The following OLFM3 variants were observed in gnomAD, a reference collection of about 807,000 sequenced individuals.
The protein encoded by OLFM3 is noelin-3.
In OLFM3, 20 loss-of-function variants were observed where a neutral mutation model predicts 48.6. That is an observed-to-expected ratio of 0.41 (90% CI 0.29 to 0.60). The LOEUF is 0.60. Among genes scored for constraint, OLFM3 ranks in the 20% least tolerant of loss-of-function variants. The pLI is 0.28. For missense variants in OLFM3, 437 were observed against 544.3 expected, an observed-to-expected ratio of 0.80 and a Z score of 1.96; for synonymous variants, 222 against 198.1, an observed-to-expected ratio of 1.12 and a Z score of -1.01.
chr1:101,896,580 C>T (rs1371115920), intron 1 of OLFM3, among the ~76,000 whole-genome samples: 1 of 149,100 alleles, frequency 6.7e-6, no homozygotes, highest in Non-Finnish European at 1.5e-5. Flanking sequence ...CTGCAAACTC[C>T]GCCTCTCCGG....
At position 101,827,723 on chromosome 1, in the gene OLFM3, GC is replaced by G. The variant is rs201990609; in HGVS notation, c.373-2479del. On this transcript the variant is annotated intron_variant, in intron 3 of 5. Transcript: ENST00000370103. Reference sequence around the variant, plus strand: ...AAAGTCTACTTGGAGAAGCAATGCAGCATTAGTATTAGAAGGTACAAGTTTG... The same window carrying G: ...AAAGTCTACTTGGAGAAGCAATGCAGATTAGTATTAGAAGGTACAAGTTTG... Among the ~76,000 whole-genome samples the G allele has an allele frequency of 6.0e-3, 914 of 152,234 alleles. 5 individuals carry two copies. The highest frequency in any genetic ancestry group is 0.017 in the Middle Eastern group (5 of 294).
At chr1:101,903,983 T>G (rs951678276) in intron 1 of OLFM3, among the ~76,000 whole-genome samples, 1 of 152,114 alleles carries the variant, frequency 6.6e-6, no homozygotes, top group African/African-American at 2.4e-5. Context: ...ATTACTTTTT[T>G]ATTCAGAGTG....
At chr1:101,967,881 G>A (rs112115620) in intron 1 of OLFM3, among the ~76,000 whole-genome samples, 2 of 151,864 alleles carry the variant, frequency 1.3e-5, no homozygotes, top group Non-Finnish European at 2.9e-5. Flanking sequence ...GTATTCTTCC[G>A]CCCCCAGCAC....
At chr1:101,867,088 T>A (rs969137745) in intron 1 of OLFM3, among the ~76,000 whole-genome samples, 6 of 152,292 alleles carry the variant, frequency 3.9e-5, no homozygotes, top group Non-Finnish European at 7.3e-5. Flanking sequence ...CAATCAGTTA[T>A]ATTGCCTATA....
chr1:101,865,273 G>T (rs1452709295), intron 1 of OLFM3, among the ~76,000 whole-genome samples: 1 of 151,998 alleles, frequency 6.6e-6, no homozygotes, highest in Non-Finnish European at 1.5e-5. Context: ...TTAAAATGAA[G>T]TTGATTTAGT....
At chr1:101,963,086 C>A (rs1358216027) in intron 1 of OLFM3, among the ~76,000 whole-genome samples, 5 of 152,318 alleles carry the variant, frequency 3.3e-5, no homozygotes, top group South Asian at 2.1e-4. Context: ...GCTCCTTTCT[C>A]GCACTGGACA....
intron 1 of OLFM3, among the ~76,000 whole-genome samples, chr1:101,936,007 GC>G (rs1157956566): frequency 6.6e-6 from 1 of 152,040 alleles, no homozygotes; most frequent in Non-Finnish European, 1.5e-5. Context: ...CAAACCCATA[GC>G]CAATATCATT....
At chr1:101,873,525 T>C (rs1399860872) in intron 1 of OLFM3, among the ~76,000 whole-genome samples, 1 of 151,914 alleles carries the variant, frequency 6.6e-6, no homozygotes, top group Non-Finnish European at 1.5e-5. Flanking sequence ...CCTATAGGAC[T>C]TTAATTTAAG....
intron 1 of OLFM3, among the ~76,000 whole-genome samples, chr1:101,904,334 C>G (rs1557724513): frequency 6.6e-6 from 1 of 152,002 alleles, no homozygotes; most frequent in Non-Finnish European, 1.5e-5. Flanking sequence ...GAAAAAATAT[C>G]TTGACTTTAT....
intron 1 of OLFM3, among the ~76,000 whole-genome samples, chr1:101,903,956 T>A (rs1343023949): frequency 6.6e-6 from 1 of 152,116 alleles, no homozygotes; most frequent in Non-Finnish European, 1.5e-5. Flanking sequence ...TCTAAATTTA[T>A]TAACAAAGTA....
intron 1 of OLFM3, among the ~76,000 whole-genome samples, chr1:101,931,377 T>A (rs1557735269): frequency 6.6e-6 from 1 of 152,180 alleles, no homozygotes; most frequent in Non-Finnish European, 1.5e-5. Context: ...GGGTGGGAAA[T>A]AAATGCTGGT....
chr1:101,835,314 G>A (rs1343124266), intron 2 of OLFM3, among the ~76,000 whole-genome samples: 1 of 152,106 alleles, frequency 6.6e-6, no homozygotes, highest in African/African-American at 2.4e-5. Context: ...AATCAACTTT[G>A]GAAAATAAAC....
Position 101,819,682 on chromosome 1 carries a change from A to G in OLFM3, c.592+5344T>C, listed in dbSNP as rs557967049. On this transcript the variant is annotated intron_variant, in intron 4 of 5. Coordinates refer to ENST00000370103, the MANE Select transcript of OLFM3 (RefSeq NM_058170.4). ...TGGGTGGATGGTGGTTCTAGTCATTAAATTAAAGTTATTGAGGTATCTGGG... is the reference window on the plus strand; with the variant it reads ...TGGGTGGATGGTGGTTCTAGTCATTGAATTAAAGTTATTGAGGTATCTGGG... Among the ~76,000 whole-genome samples, 9 of 152,102 alleles carry G rather than the reference A, an allele frequency of 5.9e-5. No individual in the cohort carries two copies. In the South Asian group the frequency reaches 1.9e-3, roughly 32 times the overall value.
chr1:101,811,541 C>A (rs1310192236), intron 4 of OLFM3, among the ~76,000 whole-genome samples: 3 of 152,120 alleles, frequency 2.0e-5, no homozygotes, highest in Admixed American at 6.6e-5. Flanking sequence ...TGAACAGACA[C>A]TTCTCAAAAG....
At chr1:101,858,030 T>G (rs991576844) in intron 1 of OLFM3, among the ~76,000 whole-genome samples, 4 of 152,064 alleles carry the variant, frequency 2.6e-5, no homozygotes, top group African/African-American at 9.7e-5. Context: ...CATAAGGTTT[T>G]AAAGAAGTTA....
chr1:101,854,063 G>C (rs1291324135), intron 1 of OLFM3, among the ~76,000 whole-genome samples: 1 of 151,944 alleles, frequency 6.6e-6, no homozygotes, highest in African/African-American at 2.4e-5. Flanking sequence ...ATGGTATGTA[G>C]AGAATATTTT....
At chr1:101,939,961 G>C (rs1308370872) in intron 1 of OLFM3, among the ~76,000 whole-genome samples, 1 of 151,930 alleles carries the variant, frequency 6.6e-6, no homozygotes, top group East Asian at 1.9e-4. Flanking sequence ...AATCAGAAAA[G>C]AGCATTAATT....
intron 1 of OLFM3, among the ~76,000 whole-genome samples, chr1:101,879,905 T>C (rs1253703808): frequency 6.6e-6 from 1 of 151,852 alleles, no homozygotes; most frequent in African/African-American, 2.4e-5. Flanking sequence ...AAAAATAGCA[T>C]ATAATTGATG....
intron 1 of OLFM3, among the ~76,000 whole-genome samples, chr1:101,916,300 A>G (rs2101033374): frequency 6.6e-6 from 1 of 152,306 alleles, no homozygotes; most frequent in Non-Finnish European, 1.5e-5. Context: ...AATAAATTTT[A>G]AATTCAGGTC....
Sources: allele counts gnomAD v4.1 joint callset (sites outside exome capture counted in the v4.1 genomes callset), GRCh38; gene constraint gnomAD v4.1.1; transcripts MANE v1.5; gene names NCBI Gene and HGNC (gene_info 2026-07-23, HGNC 2026-07-21).